Variants in FOXO1 observed in about 807,000 individuals in gnomAD.
FOXO1 encodes forkhead box protein O1.
In FOXO1, 6 loss-of-function variants were observed where a neutral mutation model predicts 44.1. The observed-to-expected ratio is 0.14, with a 90% confidence interval of 0.07 to 0.27. The LOEUF (loss-of-function observed/expected upper bound fraction) is 0.27, where lower values mean the gene tolerates loss of function less well. FOXO1 is among the 10% of genes least tolerant of loss of function. The pLI, the probability that FOXO1 is intolerant of heterozygous loss-of-function variation, is 1.00. For synonymous variants in FOXO1, 380 were observed against 362.7 expected (o/e 1.05, Z -0.54); for missense variants, 737 against 888.8 (o/e 0.83, Z 2.17).
intron 1 of FOXO1, among the ~76,000 whole-genome samples, chr13:40,599,130 GA>G (rs5803057): frequency 0.49 from 55,853 of 114,034 alleles, 11,168 homozygotes; most frequent in East Asian, 0.74. Flanking sequence ...CTATAAACAA[GA>G]AAAAAAAAAA....
At chr13:40,642,277 A>G (rs1593411769) in intron 1 of FOXO1, among the ~76,000 whole-genome samples, 1 of 152,276 alleles carries the variant, frequency 6.6e-6, no homozygotes, top group South Asian at 2.1e-4. Context: ...AAGTGCTAGG[A>G]TATGTAGCAG....
At chr13:40,568,840 G>T (rs1874371104) in intron 1 of FOXO1, among the ~76,000 whole-genome samples, 1 of 152,168 alleles carries the variant, frequency 6.6e-6, no homozygotes, top group Non-Finnish European at 1.5e-5. Context: ...AAACCGGAAG[G>T]TACTTCGAAG....
intron 1 of FOXO1, among the ~76,000 whole-genome samples, chr13:40,563,503 A>G (rs1874127018): frequency 6.6e-6 from 1 of 152,092 alleles, no homozygotes; most frequent in African/African-American, 2.4e-5. Flanking sequence ...GAAGTGTGAG[A>G]GCGGGGAAGA....
chr13:40,614,277 A>G (rs1202899210), intron 1 of FOXO1, among the ~76,000 whole-genome samples: 1 of 152,214 alleles, frequency 6.6e-6, no homozygotes, highest in South Asian at 2.1e-4. Flanking sequence ...TTAAAGCTAG[A>G]TATGTTTAAC....
intron 1 of FOXO1, among the ~76,000 whole-genome samples, chr13:40,625,279 TG>T (rs1876749581): frequency 2.6e-5 from 4 of 152,352 alleles, no homozygotes; most frequent in African/African-American, 9.6e-5. Context: ...AATATACTAA[TG>T]ATTGAGTACT....
chr13:40,664,024 C>T (rs897229477), intron 1 of FOXO1, among the ~76,000 whole-genome samples: 2 of 152,182 alleles, frequency 1.3e-5, no homozygotes, highest in African/African-American at 4.8e-5. Context: ...CCTGTAATCC[C>T]AGCACTTTGG....
intron 1 of FOXO1, among the ~76,000 whole-genome samples, chr13:40,632,616 C>T (rs894621092): frequency 4.0e-5 from 6 of 150,792 alleles, no homozygotes; most frequent in African/African-American, 9.8e-5. Flanking sequence ...ACAGCCTGAG[C>T]GACAGAGCAA....
In FOXO1 at chr13:40,557,002, T is replaced by C. The variant is rs1402365009; in HGVS notation, c.*2047A>G. Reference sequence around the variant, plus strand: ...TTGGACTGCCCCAAAATGAGGATGATAGAGTGGTGGCTGTTCAATGAATCT... The same window carrying C: ...TTGGACTGCCCCAAAATGAGGATGACAGAGTGGTGGCTGTTCAATGAATCT... On this transcript the variant is annotated 3_prime_UTR_variant, in exon 3 of 3. Coordinates refer to ENST00000379561, the MANE Select transcript of FOXO1 (RefSeq NM_002015.4). 2 of 152,102 alleles carry C rather than the reference T, an allele frequency of 1.3e-5. No homozygotes were observed. The highest frequency in any genetic ancestry group is 4.8e-5 in the African/African-American group (2 of 41,420). The allele number at this position is 152,102 out of a possible 1,614,324, so 9.4% of individuals were successfully genotyped here. A position where few individuals can be genotyped will look rare whatever the true frequency, so the allele number is the denominator to read the frequency against.
Position 40,636,212 on chromosome 13 carries a change from C to CA in FOXO1, c.630+29370dup, listed in dbSNP as rs113672172. 2.1e-3 allele frequency among the ~76,000 whole-genome samples: 303 copies of CA among 143,870 alleles called. 3 individuals carry two copies. The highest frequency in any genetic ancestry group is 6.1e-3 in the African/African-American group (241 of 39,210). 94.4% of individuals were successfully genotyped at this position (143,870 alleles called of 152,430 possible). On this transcript the variant is annotated intron_variant, in intron 1 of 2. Transcript: ENST00000379561. ...CCTGGGCCACAGAGCGAGATTCCAT[C>CA]AAAAAAAAAACAAAAAACAAAAAAC...
rs778263954 is a variant in FOXO1 at position 40,559,609 on chromosome 13, A to G, written c.1882T>C (p.Leu628=). The G allele has an allele frequency of 6.2e-7, 1 of 1,614,192 alleles. No homozygotes were observed. The highest frequency in any genetic ancestry group is 8.5e-7 in the Non-Finnish European group (1 of 1,180,018). ...AACACATTGTCAAAGTTAAAATCCA[A>G]TGTATCTCCATCCATGAGGTCATTC... is the stretch of plus-strand genomic sequence containing the variant. ...IRNDLMDGDT[L]DFNFDNVLPN... is the part of the protein sequence containing the mutation. Residue 628 remains leucine, a synonymous_variant, in exon 2 of 3, where the codon TTG becomes CTG. Coordinates refer to ENST00000379561, the MANE Select transcript of FOXO1 (RefSeq NM_002015.4).
intron 1 of FOXO1, among the ~76,000 whole-genome samples, chr13:40,628,732 A>G (rs1876868659): frequency 6.6e-6 from 1 of 152,180 alleles, no homozygotes; most frequent in South Asian, 2.1e-4. Flanking sequence ...ATGGTATAGA[A>G]GTACTTTGAA....
intron 1 of FOXO1, among the ~76,000 whole-genome samples, chr13:40,605,797 T>C (rs536094328): frequency 1.4e-4 from 21 of 152,226 alleles, no homozygotes; most frequent in African/African-American, 4.8e-4. Context: ...CTGAACCTGC[T>C]TGGAGGTGTG....
At chr13:40,630,709 T>C (rs1264749890) in intron 1 of FOXO1, among the ~76,000 whole-genome samples, 1 of 151,322 alleles carries the variant, frequency 6.6e-6, no homozygotes, top group African/African-American at 2.4e-5. Flanking sequence ...GCCTGGCAAA[T>C]AGGGAAAGAG....
At chr13:40,664,546 A>C (rs1293555429) in intron 1 of FOXO1, among the ~76,000 whole-genome samples, 3 of 150,122 alleles carry the variant, frequency 2.0e-5, no homozygotes, top group Non-Finnish European at 4.4e-5. Context: ...CGCCACTCCG[A>C]CTCCCTCAAA....
At chr13:40,626,442 A>C (rs1346176826) in intron 1 of FOXO1, among the ~76,000 whole-genome samples, 4 of 152,222 alleles carry the variant, frequency 2.6e-5, no homozygotes, top group African/African-American at 9.7e-5. Context: ...CCACACTGAA[A>C]TGTTCTCTAG....
chr13:40,582,338 A>G (rs1874989642), intron 1 of FOXO1, among the ~76,000 whole-genome samples: 2 of 152,212 alleles, frequency 1.3e-5, no homozygotes, highest in Admixed American at 1.3e-4. Context: ...CTCAATGTTA[A>G]TTACTGCAGT....
At chr13:40,592,281 T>A (rs1875403571) in intron 1 of FOXO1, among the ~76,000 whole-genome samples, 1 of 152,182 alleles carries the variant, frequency 6.6e-6, no homozygotes, top group Non-Finnish European at 1.5e-5. Flanking sequence ...AGGACCTGTA[T>A]CCTGATCATG....
chr13:40,593,757 A>C (rs1027709843), intron 1 of FOXO1, among the ~76,000 whole-genome samples: 3 of 152,204 alleles, frequency 2.0e-5, no homozygotes, highest in African/African-American at 7.2e-5. Flanking sequence ...AATATAATGT[A>C]ACAAAAAAAT....
At chr13:40,582,041 T>C (rs528292532) in intron 1 of FOXO1, among the ~76,000 whole-genome samples, 3 of 152,300 alleles carry the variant, frequency 2.0e-5, no homozygotes, top group Admixed American at 6.5e-5. Flanking sequence ...ACTAATTATA[T>C]TGGTCTCTAT....
Sources: allele counts gnomAD v4.1 joint callset (sites outside exome capture counted in the v4.1 genomes callset), GRCh38; gene constraint gnomAD v4.1.1; transcripts MANE v1.5; gene names NCBI Gene and HGNC (gene_info 2026-07-23, HGNC 2026-07-21).